CEP128: variants seen among roughly 807,000 people sequenced by gnomAD.
CEP128 encodes the protein centrosomal protein 128.
CEP128 carries 132 observed loss-of-function variants against 156.7 expected under a neutral mutation model. The observed-to-expected ratio is 0.84, with a 90% confidence interval of 0.73 to 0.97. CEP128 has a LOEUF of 0.97. Ranked by LOEUF, CEP128 falls within the 50% of genes least tolerant of loss-of-function variation. CEP128 has a pLI of 0.00. For missense variants in CEP128, 1,252 were observed against 1,281.9 expected, an observed-to-expected ratio of 0.98 and a Z score of 0.36; for synonymous variants, 469 against 448.9, an observed-to-expected ratio of 1.04 and a Z score of -0.57.
intron 2 of CEP128, among the ~76,000 whole-genome samples, chr14:80,951,593 G>A (rs552600163): frequency 1.2e-4 from 18 of 152,088 alleles, no homozygotes; most frequent in African/African-American, 2.9e-4. Context: ...TAAAATAAAA[G>A]GAGAATTGGA....
At chr14:80,494,018 G>A (rs1887411678), downstream of CEP128, among the ~76,000 whole-genome samples, 1 of 152,196 alleles carries the variant, frequency 6.6e-6, no homozygotes, top group Admixed American at 6.5e-5. Flanking sequence ...CCTTAAATTA[G>A]ATGTGTCGTG....
At chr14:80,853,677 C>T (rs1046480606) in intron 9 of CEP128, among the ~76,000 whole-genome samples, 1 of 151,874 alleles carries the variant, frequency 6.6e-6, no homozygotes, top group African/African-American at 2.4e-5. Flanking sequence ...TTAATACAAT[C>T]GCAATAAAAA....
At chr14:80,921,245 G>A (rs1884841767) in intron 2 of CEP128, among the ~76,000 whole-genome samples, 1 of 152,130 alleles carries the variant, frequency 6.6e-6, no homozygotes, top group African/African-American at 2.4e-5. Flanking sequence ...ATTGAGAGGT[G>A]GGACCTTTAA....
intron 12 of CEP128, among the ~76,000 whole-genome samples, chr14:80,833,929 G>A (rs1885940897): frequency 6.6e-6 from 1 of 152,154 alleles, no homozygotes; most frequent in African/African-American, 2.4e-5. Flanking sequence ...TGTCTGGATG[G>A]AGGATGATGC....
intron 19 of CEP128, among the ~76,000 whole-genome samples, chr14:80,687,887 G>T (rs1049172855): frequency 6.6e-6 from 1 of 151,994 alleles, no homozygotes; most frequent in Non-Finnish European, 1.5e-5. Context: ...ACATAAAAAC[G>T]TATTAGATTT....
intron 19 of CEP128, among the ~76,000 whole-genome samples, chr14:80,592,105 C>G (rs1003307508): frequency 5.9e-5 from 9 of 152,018 alleles, no homozygotes; most frequent in African/African-American, 2.2e-4. Context: ...ACTAGAGAAG[C>G]TGGAGCAAAC....
At chr14:80,657,995 G>A (rs187447815) in intron 19 of CEP128, among the ~76,000 whole-genome samples, 8 of 145,358 alleles carry the variant, frequency 5.5e-5, no homozygotes, top group African/African-American at 1.9e-4. Flanking sequence ...ATTCTACCTC[G>A]GTGACAGCGT....
intron 19 of CEP128, among the ~76,000 whole-genome samples, chr14:80,717,983 TTGTG>T (rs765260510): frequency 2.2e-4 from 33 of 151,174 alleles, no homozygotes; most frequent in African/African-American, 7.3e-4. Context: ...CTCAGCTAAC[TTGTG>T]TGTGTGTATG....
chr14:80,887,982 C>T (rs1445556185), intron 8 of CEP128, among the ~76,000 whole-genome samples: 13 of 152,140 alleles, frequency 8.5e-5, no homozygotes, highest in Non-Finnish European at 1.8e-4. Flanking sequence ...ACACTACCAT[C>T]AGAGAATACT....
At chr14:80,514,344 T>C (rs1001164491) in intron 23 of CEP128, among the ~76,000 whole-genome samples, 1 of 152,162 alleles carries the variant, frequency 6.6e-6, no homozygotes, top group Non-Finnish European at 1.5e-5. Flanking sequence ...TCTTCAAATA[T>C]TTTACAAAGT....
intron 22 of CEP128, among the ~76,000 whole-genome samples, chr14:80,529,936 T>G (rs556199020): frequency 6.6e-6 from 1 of 152,050 alleles, no homozygotes; most frequent in Non-Finnish European, 1.5e-5. Flanking sequence ...GGGAACCACA[T>G]TATATCAATG....
Position 80,510,430 on chromosome 14 carries a change from G to A in CEP128, c.3073-5410C>T, listed in dbSNP as rs542827958. On this transcript the variant is annotated intron_variant, in intron 23 of 24. Coordinates refer to ENST00000555265, the MANE Select transcript of CEP128 (RefSeq NM_152446.5). ...TTCTTTTTCACATCGTCCACTGTTG[G>A]CATATAAAAATGCTACTAATTTTTG... Among the ~76,000 whole-genome samples, 8 of 152,110 alleles carry A rather than the reference G, an allele frequency of 5.3e-5. No homozygotes were observed. In the South Asian group the frequency reaches 1.7e-3, roughly 32 times the overall value.
At chr14:80,806,736 A>G (rs1266650526) in intron 13 of CEP128, among the ~76,000 whole-genome samples, 2 of 152,218 alleles carry the variant, frequency 1.3e-5, no homozygotes, top group Non-Finnish European at 2.9e-5. Context: ...TAAAAGACAT[A>G]CACCTATATC....
chr14:80,527,958 A>T (rs1473193319), intron 22 of CEP128, among the ~76,000 whole-genome samples: 1 of 152,140 alleles, frequency 6.6e-6, no homozygotes, highest in Non-Finnish European at 1.5e-5. Flanking sequence ...CATTTCTATT[A>T]TTATTTAGGG....
intron 19 of CEP128, among the ~76,000 whole-genome samples, chr14:80,684,076 A>G (rs1414759498): frequency 1.3e-5 from 2 of 152,250 alleles, no homozygotes; most frequent in Non-Finnish European, 1.5e-5. Flanking sequence ...CAGCAGAGAA[A>G]AAGAAATAAC....
rs943212044 is a variant in CEP128, at chr14:80,809,572, T to C, written c.1210-16462A>G. ...TCTCCATGGCACATTATAGTCAAAC[T>C]GTCTAAAGTGAATCACAAAGAGGAA... is the stretch of plus-strand genomic sequence containing the variant. On this transcript the variant is annotated intron_variant, in intron 13 of 24. Transcript: ENST00000555265. Among the ~76,000 whole-genome samples the C allele has an allele frequency of 2.6e-5, 4 of 152,136 alleles. No individual in the cohort carries two copies. In the East Asian group the frequency reaches 7.7e-4, roughly 29 times the overall value.
intron 8 of CEP128, among the ~76,000 whole-genome samples, chr14:80,869,921 C>T (rs764897076): frequency 6.6e-6 from 1 of 151,970 alleles, no homozygotes; most frequent in Admixed American, 6.5e-5. Context: ...GGAGACATTA[C>T]AAATGATACC....
chr14:80,637,510 C>T (rs1019869727), intron 19 of CEP128, among the ~76,000 whole-genome samples: 1 of 152,112 alleles, frequency 6.6e-6, no homozygotes, highest in Non-Finnish European at 1.5e-5. Flanking sequence ...TGCTTTTTTG[C>T]CTACCAATGT....
At chr14:80,628,622 T>C (rs746607668) in intron 19 of CEP128, among the ~76,000 whole-genome samples, 36 of 152,300 alleles carry the variant, frequency 2.4e-4, no homozygotes, top group Non-Finnish European at 3.5e-4. Context: ...GAAGTTATTA[T>C]AGGGCTAACT....
Sources: gnomAD v4.1 joint callset for allele counts (sites outside exome capture counted in the v4.1 genomes callset) on GRCh38, gnomAD v4.1.1 for gene constraint, MANE v1.5 for transcripts, NCBI Gene and HGNC (gene_info 2026-07-23, HGNC 2026-07-21) for gene names.